The following PITPNC1 variants were observed in gnomAD, a reference collection of about 807,000 sequenced individuals.
The protein encoded by PITPNC1 is cytoplasmic phosphatidylinositol transfer protein 1.
Under a neutral mutation model 44.7 loss-of-function variants are expected in PITPNC1, and 18 were observed. That is an observed-to-expected ratio of 0.40 (90% CI 0.28 to 0.60). The LOEUF (loss-of-function observed/expected upper bound fraction) is 0.60. PITPNC1 is among the 20% of genes least tolerant of loss of function. The pLI, the probability that PITPNC1 is intolerant of heterozygous loss-of-function variation, is 0.39. For missense variants in PITPNC1, 290 were observed against 418.4 expected, an observed-to-expected ratio of 0.69 and a Z score of 2.68; for synonymous variants, 141 against 149.6, an observed-to-expected ratio of 0.94 and a Z score of 0.42.
chr17:67,396,463 C>T (rs2038222163), intron 1 of PITPNC1, among the ~76,000 whole-genome samples: 1 of 152,008 alleles, frequency 6.6e-6, no homozygotes, highest in Non-Finnish European at 1.5e-5. Flanking sequence ...CCTCTGCCCT[C>T]AGGTTCAAGC....
chr17:67,609,723 A>G (rs940406663), intron 5 of PITPNC1, among the ~76,000 whole-genome samples: 2 of 151,922 alleles, frequency 1.3e-5, no homozygotes, highest in South Asian at 2.1e-4. Flanking sequence ...GAGTCCGGCA[A>G]ACTGTTGATG....
chr17:67,650,649 C>A (rs1207253052), intron 6 of PITPNC1, among the ~76,000 whole-genome samples: 1 of 151,952 alleles, frequency 6.6e-6, no homozygotes, highest in African/African-American at 2.4e-5. Context: ...CGGGGTTTCA[C>A]CATGTTGGTC....
chr17:67,411,678 G>A (rs1708466024), intron 1 of PITPNC1, among the ~76,000 whole-genome samples: 1 of 152,078 alleles, frequency 6.6e-6, no homozygotes. Flanking sequence ...ACAAGGTAAC[G>A]TTATGATTGG....
chr17:67,487,096 T>C (rs1290101141), intron 1 of PITPNC1, among the ~76,000 whole-genome samples: 1 of 152,126 alleles, frequency 6.6e-6, no homozygotes, highest in Non-Finnish European at 1.5e-5. Context: ...ACCAACATCA[T>C]AAAATATGAG....
chr17:67,620,576 C>G (rs2041816581), intron 5 of PITPNC1, among the ~76,000 whole-genome samples: 1 of 152,192 alleles, frequency 6.6e-6, no homozygotes, highest in Admixed American at 6.5e-5. Flanking sequence ...CTCAGACACT[C>G]TCAGGCCTGA....
intron 8 of PITPNC1, chr17:67,687,025 C>T: frequency 9.0e-7 from 1 of 1,114,772 alleles, no homozygotes; most frequent in Non-Finnish European, 1.4e-6. Flanking sequence ...TGAAAGTTTG[C>T]ATCTAATAAC....
chr17:67,427,237 G>C (rs2038780113), intron 1 of PITPNC1, among the ~76,000 whole-genome samples: 1 of 152,064 alleles, frequency 6.6e-6, no homozygotes, highest in African/African-American at 2.4e-5. Flanking sequence ...TTGAGACAGA[G>C]TCTCGCTCTG....
At chr17:67,659,939 G>A (rs1218587504) in intron 6 of PITPNC1, among the ~76,000 whole-genome samples, 2 of 151,990 alleles carry the variant, frequency 1.3e-5, no homozygotes, top group African/African-American at 4.8e-5. Flanking sequence ...CAGTGCAGTG[G>A]CGCAATCTCA....
At chr17:67,404,317 C>T (rs185444642) in intron 1 of PITPNC1, among the ~76,000 whole-genome samples, 169 of 152,222 alleles carry the variant, frequency 1.1e-3, no homozygotes, top group Middle Eastern at 6.8e-3. Flanking sequence ...AAGCCAGAAA[C>T]GTAGATACAA....
At chr17:67,615,911 T>A (rs750470215) in intron 5 of PITPNC1, among the ~76,000 whole-genome samples, 5 of 152,166 alleles carry the variant, frequency 3.3e-5, no homozygotes, top group Non-Finnish European at 7.3e-5. Flanking sequence ...AGACCATCTG[T>A]GTGCCCAAGG....
intron 1 of PITPNC1, among the ~76,000 whole-genome samples, chr17:67,426,724 TTAAAATAAAAA>T (rs1209271297): frequency 4.0e-5 from 6 of 151,462 alleles, no homozygotes; most frequent in South Asian, 2.1e-4. Context: ...ATCCCAGAAC[TTAAAATAAAAA>T]TAAAAAATAA....
Position 67,550,472 on chromosome 17 carries a change from G to A in PITPNC1, c.198-1785G>A, listed in dbSNP as rs922488014. 1.7e-4 allele frequency among the ~76,000 whole-genome samples: 21 copies of A among 124,944 alleles called. 1 individual carries two copies. Among genetic ancestry groups the A allele is most frequent in the African/African-American group, 5.4e-4 (21 of 39,236 alleles). 82.0% of individuals were successfully genotyped at this position (124,944 alleles called of 152,430 possible). ...ACAGGCAAGGTACGCAGTATTTTAC[G>A]GGCTCTGATTGTCATTTAGATTTCG... On this transcript the variant is annotated intron_variant, in intron 2 of 8. Coordinates refer to ENST00000581322, the MANE Select transcript of PITPNC1 (RefSeq NM_012417.4).
intron 1 of PITPNC1, among the ~76,000 whole-genome samples, chr17:67,395,474 G>A (rs1435771570): frequency 1.3e-5 from 2 of 152,104 alleles, no homozygotes; most frequent in Non-Finnish European, 2.9e-5. Context: ...GAAAACAGGG[G>A]TTATCACTAG....
At chr17:67,552,869 G>C (rs2040787101) in intron 3 of PITPNC1, among the ~76,000 whole-genome samples, 1 of 150,908 alleles carries the variant, frequency 6.6e-6, no homozygotes, top group Non-Finnish European at 1.5e-5. Flanking sequence ...GACATTTCCA[G>C]AGGTTTTATG....
intron 1 of PITPNC1, among the ~76,000 whole-genome samples, chr17:67,439,475 G>C (rs1032278504): frequency 5.9e-5 from 9 of 152,170 alleles, no homozygotes; most frequent in African/African-American, 1.4e-4. Context: ...ATCTGTGATA[G>C]GGCTCTGAGA....
At chr17:67,460,312 T>C (rs958211284) in intron 1 of PITPNC1, among the ~76,000 whole-genome samples, 5 of 152,202 alleles carry the variant, frequency 3.3e-5, no homozygotes, top group African/African-American at 1.2e-4. Context: ...GGGTTTAGCC[T>C]TCAACTGTGT....
chr17:67,598,141 G>C (rs1002314405), intron 5 of PITPNC1, among the ~76,000 whole-genome samples: 2 of 152,144 alleles, frequency 1.3e-5, no homozygotes, highest in African/African-American at 4.8e-5. Context: ...AGAATCGCTT[G>C]AACCAGGGAG....
intron 1 of PITPNC1, among the ~76,000 whole-genome samples, chr17:67,436,908 GTTTTTTTTTTTTTTTTT>G (rs1044625193): frequency 1.5e-5 from 1 of 68,418 alleles, no homozygotes; most frequent in Non-Finnish European, 2.8e-5. Context: ...AAATAGGGGT[GTTTTTTTTTTTTTTTTT>G]TTTTTTTTTT....
chr17:67,442,248 T>C (rs1004516027), intron 1 of PITPNC1, among the ~76,000 whole-genome samples: 1 of 116,104 alleles, frequency 8.6e-6, no homozygotes, highest in Non-Finnish European at 1.8e-5. Flanking sequence ...TATATATATA[T>C]GCATGAAAAT....
Sources: gnomAD v4.1 joint callset for allele counts (sites outside exome capture counted in the v4.1 genomes callset) on GRCh38, gnomAD v4.1.1 for gene constraint, MANE v1.5 for transcripts, NCBI Gene and HGNC (gene_info 2026-07-23, HGNC 2026-07-21) for gene names.